Variants in UMAD1 observed in about 807,000 individuals in gnomAD.
The protein encoded by UMAD1 is UBAP1-MVB12-associated (UMA)-domain containing protein 1.
Under a neutral mutation model 6.1 loss-of-function variants are expected in UMAD1, and 8 were observed. The ratio of observed to expected loss-of-function variants is 1.30; its 90% CI spans 0.76 to 2.35. The LOEUF is 2.35. Ranked by LOEUF, UMAD1 falls within the 30% of genes most tolerant of loss-of-function variation. UMAD1 has a pLI of 0.00. For synonymous variants in UMAD1, 56 were observed against 31.4 expected (o/e 1.78, Z -2.61); for missense variants, 130 against 78.4 (o/e 1.66, Z -2.49).
chr7:7,792,233 G>T (rs907246849), intron 2 of UMAD1, among the ~76,000 whole-genome samples: 1 of 152,090 alleles, frequency 6.6e-6, no homozygotes, highest in Admixed American at 6.5e-5. Flanking sequence ...ATATTTGTTT[G>T]CTAACTGCAT....
intron 1 of UMAD1, among the ~76,000 whole-genome samples, chr7:7,669,645 A>T (rs572281347): frequency 6.6e-6 from 1 of 152,196 alleles, no homozygotes; most frequent in South Asian, 2.1e-4. Context: ...GAATCCCAAG[A>T]CTCTTATTGT....
chr7:7,668,318 A>G (rs539027939), intron 1 of UMAD1, among the ~76,000 whole-genome samples: 1 of 152,010 alleles, frequency 6.6e-6, no homozygotes, highest in Non-Finnish European at 1.5e-5. Context: ...CTTCTTATCT[A>G]TGGTTTTGAT....
chr7:7,697,115 T>A (rs1780339616), intron 2 of UMAD1, among the ~76,000 whole-genome samples: 1 of 152,180 alleles, frequency 6.6e-6, no homozygotes, highest in African/African-American at 2.4e-5. Context: ...TTGTTTTGCT[T>A]TTCTTTTTAT....
intron 3 of UMAD1, among the ~76,000 whole-genome samples, chr7:7,860,542 C>T (rs533879554): frequency 4.7e-4 from 68 of 143,866 alleles, no homozygotes; most frequent in East Asian, 2.8e-3. Flanking sequence ...AGGTGGATCA[C>T]GGGGTCAGGA....
intron 3 of UMAD1, among the ~76,000 whole-genome samples, chr7:7,817,925 C>T (rs57281969): frequency 6.6e-6 from 1 of 152,250 alleles, no homozygotes; most frequent in African/African-American, 2.4e-5. Flanking sequence ...GTGATCTTCT[C>T]ACCTCAGCCT....
At chr7:7,802,868 A>G (rs1380953826) in intron 3 of UMAD1, among the ~76,000 whole-genome samples, 1 of 152,196 alleles carries the variant, frequency 6.6e-6, no homozygotes, top group East Asian at 1.9e-4. Context: ...CTTTTAAGAG[A>G]TATTTTTATT....
intron 2 of UMAD1, among the ~76,000 whole-genome samples, chr7:7,782,070 C>T (rs1418259210): frequency 6.6e-6 from 1 of 151,934 alleles, no homozygotes; most frequent in Non-Finnish European, 1.5e-5. Context: ...GTTACGAAAA[C>T]CACATTATTT....
intron 1 of UMAD1, among the ~76,000 whole-genome samples, chr7:7,653,292 T>G (rs1785269038): frequency 6.6e-6 from 1 of 152,238 alleles, no homozygotes; most frequent in Non-Finnish European, 1.5e-5. Context: ...AATGTGTCAC[T>G]GTATCATTAA....
chr7:7,745,639 G>A (rs561805431), intron 2 of UMAD1, among the ~76,000 whole-genome samples: 1 of 152,304 alleles, frequency 6.6e-6, no homozygotes, highest in South Asian at 2.1e-4. Flanking sequence ...GAAAATCACT[G>A]TCTTTATAAA....
intron 2 of UMAD1, among the ~76,000 whole-genome samples, chr7:7,730,479 C>T (rs551474085): frequency 2.0e-5 from 3 of 152,182 alleles, no homozygotes; most frequent in Middle Eastern, 6.8e-3. Context: ...ATCCAGTTCT[C>T]GTCCTTTTTC....
At chr7:7,859,711 A>T (rs142114809) in intron 3 of UMAD1, among the ~76,000 whole-genome samples, 1 of 152,200 alleles carries the variant, frequency 6.6e-6, no homozygotes, top group African/African-American at 2.4e-5. Context: ...AGTCTTGCAG[A>T]TTAATTTTCA....
intron 2 of UMAD1, among the ~76,000 whole-genome samples, chr7:7,754,901 C>T (rs1359577012): frequency 6.6e-6 from 1 of 152,176 alleles, no homozygotes; most frequent in Non-Finnish European, 1.5e-5. Flanking sequence ...TATGATTGCA[C>T]ATCTTTTCGC....
chr7:7,707,489 A>C (rs780862509), intron 2 of UMAD1, among the ~76,000 whole-genome samples: 1 of 152,182 alleles, frequency 6.6e-6, no homozygotes, highest in Non-Finnish European at 1.5e-5. Flanking sequence ...TGGGAATGCC[A>C]TATGCTCTCA....
At chr7:7,753,963 C>T (rs904254328) in intron 2 of UMAD1, among the ~76,000 whole-genome samples, 2 of 152,094 alleles carry the variant, frequency 1.3e-5, no homozygotes, top group African/African-American at 4.8e-5. Flanking sequence ...ACGGGTGGAT[C>T]ACCTGAGGTC....
intron 2 of UMAD1, among the ~76,000 whole-genome samples, chr7:7,737,270 T>G (rs1201014264): frequency 6.6e-6 from 1 of 152,258 alleles, no homozygotes; most frequent in African/African-American, 2.4e-5. Flanking sequence ...TTCAGTTTTC[T>G]CAGCCGTGAA....
chr7:7,658,905 G>A (rs1785408403), intron 1 of UMAD1, among the ~76,000 whole-genome samples: 1 of 152,120 alleles, frequency 6.6e-6, no homozygotes, highest in South Asian at 2.1e-4. Context: ...TGTACCTCTG[G>A]TAGAATTTGG....
At chr7:7,683,643 C>T (rs761253217) in intron 2 of UMAD1, among the ~76,000 whole-genome samples, 11 of 150,008 alleles carry the variant, frequency 7.3e-5, no homozygotes, top group Admixed American at 2.7e-4. Context: ...TTTTTTTAGA[C>T]GGAGTTTTTG....
chr7:7,729,541 T>C (rs1186915929), intron 2 of UMAD1, among the ~76,000 whole-genome samples: 1 of 152,218 alleles, frequency 6.6e-6, no homozygotes, highest in African/African-American at 2.4e-5. Flanking sequence ...ACCTCATTGA[T>C]AAGGCTGCCA....
rs766644906 is a variant in UMAD1, at chr7:7,717,060, C to CTTTT, written c.82+43618_82+43621dup. Among the ~76,000 whole-genome samples the CTTTT allele has an allele frequency of 3.2e-4, 45 of 141,620 alleles. 1 individual carries two copies. Among genetic ancestry groups the CTTTT allele is most frequent in the African/African-American group, 1.1e-3 (41 of 37,918 alleles). 92.9% of individuals were successfully genotyped at this position (141,620 alleles called of 152,430 possible). On this transcript the variant is annotated intron_variant, in intron 2 of 3. Transcript: ENST00000682710. Reference sequence around the variant, plus strand: ...TTCCTTTTTCTTTCTTTCTTTTTTTCTTTTTTTTTTTTTTGAGACGGAGTC... The same window carrying CTTTT: ...TTCCTTTTTCTTTCTTTCTTTTTTTCTTTTTTTTTTTTTTTTTTGAGACGGAGTC...
Sources: gnomAD v4.1 joint callset for allele counts (sites outside exome capture counted in the v4.1 genomes callset) on GRCh38, gnomAD v4.1.1 for gene constraint, MANE v1.5 for transcripts, NCBI Gene and HGNC (gene_info 2026-07-23, HGNC 2026-07-21) for gene names.